Variants in PATJ observed in about 807,000 individuals in gnomAD.
PATJ encodes the protein PATJ crumbs cell polarity complex component.
Under a neutral mutation model 224.9 loss-of-function variants are expected in PATJ, and 190 were observed. The ratio of observed to expected loss-of-function variants is 0.84; its 90% CI spans 0.75 to 0.95. The LOEUF is 0.95. PATJ is among the 40% of genes least tolerant of loss of function. The pLI is 0.00. For missense variants in PATJ, 2,121 were observed against 2,270.3 expected, an observed-to-expected ratio of 0.93 and a Z score of 1.34; for synonymous variants, 769 against 820.3, an observed-to-expected ratio of 0.94 and a Z score of 1.07.
intron 31 of PATJ, among the ~76,000 whole-genome samples, chr1:62,074,093 T>C (rs1189570766): frequency 1.3e-5 from 2 of 151,738 alleles, no homozygotes; most frequent in African/African-American, 4.8e-5. Flanking sequence ...TATTTTTATA[T>C]TTAAGAAACT....
In PATJ at chr1:62,054,458, C is replaced by T. The variant is rs114518036; in HGVS notation, c.4125+3400C>T. The T allele has an allele frequency of 2.9e-3, 722 of 246,204 alleles. 8 individuals carry two copies. Among genetic ancestry groups the T allele is most frequent in the African/African-American group, 0.015 (672 of 44,740 alleles). 15.3% of individuals were successfully genotyped at this position (246,204 alleles called of 1,614,324 possible). On this transcript the variant is annotated intron_variant, in intron 31 of 43. Transcript: ENST00000642238. Reference sequence around the variant, plus strand: ...GTATATTCAGTTGGTTGGCTTTGGACTGTGTCTCAGTAGCCCTAGATGCAT... The same window carrying T: ...GTATATTCAGTTGGTTGGCTTTGGATTGTGTCTCAGTAGCCCTAGATGCAT...
chr1:61,974,182 G>A (rs1374646868), intron 27 of PATJ, among the ~76,000 whole-genome samples: 7 of 151,822 alleles, frequency 4.6e-5, no homozygotes, highest in Non-Finnish European at 8.8e-5. Context: ...GACATGTCGA[G>A]CAAAACTGAT....
chr1:61,778,118 G>T (rs1475006309), intron 7 of PATJ, among the ~76,000 whole-genome samples: 4 of 152,062 alleles, frequency 2.6e-5, no homozygotes, highest in African/African-American at 9.7e-5. Flanking sequence ...GAGCTCAAGT[G>T]ATCCTCCCGC....
intron 7 of PATJ, among the ~76,000 whole-genome samples, chr1:61,780,890 G>T (rs1450269498): frequency 6.6e-6 from 1 of 152,140 alleles, no homozygotes; most frequent in African/African-American, 2.4e-5. Context: ...TTACTGGAAG[G>T]GATCGTCACT....
At chr1:61,963,546 A>G (rs1344531237) in intron 27 of PATJ, among the ~76,000 whole-genome samples, 1 of 152,134 alleles carries the variant, frequency 6.6e-6, no homozygotes, top group Non-Finnish European at 1.5e-5. Flanking sequence ...CAGTGAGCTG[A>G]GATTGCGCCA....
intron 31 of PATJ, among the ~76,000 whole-genome samples, chr1:62,067,123 C>CTTTTTTTTTTTTTTTTTTTTTTTT (rs11381578): frequency 6.0e-5 from 7 of 116,450 alleles, no homozygotes; most frequent in Non-Finnish European, 8.8e-5. Context: ...CCTATTCTTT[C>CTTTTTTTTTTTTTTTTTTTTTTTT]TTTTTTTTTT....
At chr1:62,070,692 TA>T (rs956220806) in intron 31 of PATJ, among the ~76,000 whole-genome samples, 2 of 152,100 alleles carry the variant, frequency 1.3e-5, no homozygotes, top group Admixed American at 1.3e-4. Context: ...GCAAAATTTA[TA>T]AAGGGCAGGG....
intron 26 of PATJ, among the ~76,000 whole-genome samples, chr1:61,921,725 A>G (rs1674365157): frequency 6.6e-6 from 1 of 152,204 alleles, no homozygotes; most frequent in South Asian, 2.1e-4. Flanking sequence ...AAAAAAGTCT[A>G]GAAAATACAA....
rs147365540 is a variant in PATJ at position 61,975,001 on chromosome 1, G to A, written c.3671-15167G>A. ...ATTCTGTTGCCCAGGCTGGAGTGCA[G>A]TGGCATAATCTTGGCTTTCTGTGAC... On this transcript the variant is annotated intron_variant, in intron 27 of 43. Coordinates refer to ENST00000642238, the MANE Select transcript of PATJ (RefSeq NM_001350145.3). 5.5e-4 allele frequency among the ~76,000 whole-genome samples: 84 copies of A among 152,110 alleles called. 1 individual carries two copies. The highest frequency in any genetic ancestry group is 1.9e-3 in the African/African-American group (80 of 41,418).
intron 30 of PATJ, among the ~76,000 whole-genome samples, chr1:62,043,606 CTTCCATTT>C (rs1651930596): frequency 6.6e-6 from 1 of 152,146 alleles, no homozygotes; most frequent in Admixed American, 6.6e-5. Flanking sequence ...CCTCCAGCAT[CTTCCATTT>C]TTAATAGTTA....
intron 34 of PATJ, among the ~76,000 whole-genome samples, chr1:62,112,489 G>C (rs957033012): frequency 3.3e-5 from 5 of 152,104 alleles, no homozygotes; most frequent in African/African-American, 1.2e-4. Context: ...CTGGGTGACA[G>C]AGTGACACTC....
intron 26 of PATJ, among the ~76,000 whole-genome samples, chr1:61,923,163 G>A (rs1296574977): frequency 2.0e-5 from 3 of 152,202 alleles, no homozygotes; most frequent in Non-Finnish European, 2.9e-5. Flanking sequence ...TAGCCACTGC[G>A]TTAATGTGGC....
intron 28 of PATJ, among the ~76,000 whole-genome samples, chr1:61,999,161 G>A (rs2149594947): frequency 6.6e-6 from 1 of 152,148 alleles, no homozygotes; most frequent in East Asian, 1.9e-4. Flanking sequence ...ATTTTCAGCA[G>A]TGCCTCTCTC....
intron 8 of PATJ, among the ~76,000 whole-genome samples, chr1:61,790,516 T>TC (rs71706463): frequency 4.9e-5 from 1 of 20,384 alleles, no homozygotes; most frequent in Non-Finnish European, 1.3e-4. Context: ...CTTTTTTTTG[T>TC]TTTTTTTTTT....
chr1:61,935,682 T>A (rs959500459), intron 27 of PATJ, among the ~76,000 whole-genome samples: 6 of 151,886 alleles, frequency 4.0e-5, no homozygotes, highest in African/African-American at 1.5e-4. Flanking sequence ...TCCTAGCTAC[T>A]CAGGAGGCTG....
intron 18 of PATJ, among the ~76,000 whole-genome samples, chr1:61,859,865 C>T (rs919666869): frequency 1.3e-5 from 2 of 152,116 alleles, no homozygotes; most frequent in Admixed American, 6.5e-5. Context: ...GGTGATCCAC[C>T]CGCCTCGGCC....
chr1:61,861,400 G>A, intron 18 of PATJ, 151 bp from the exon 19 acceptor site: 1 of 339,906 alleles, frequency 2.9e-6, no homozygotes, highest in Non-Finnish European at 5.5e-6. Context: ...ATAGGTATAT[G>A]TGTGCATTGG....
At chr1:61,837,386 T>C (rs1224676895) in intron 17 of PATJ, among the ~76,000 whole-genome samples, 4 of 152,226 alleles carry the variant, frequency 2.6e-5, no homozygotes, top group Non-Finnish European at 5.9e-5. Context: ...CTAAATTTAA[T>C]CTTAAAATTG....
At chr1:62,107,711 T>G (rs768581838) in intron 33 of PATJ, among the ~76,000 whole-genome samples, 1 of 152,180 alleles carries the variant, frequency 6.6e-6, no homozygotes, top group Non-Finnish European at 1.5e-5. Flanking sequence ...TGGGTACATG[T>G]CATTTTTATG....
Sources: allele counts gnomAD v4.1 joint callset (sites outside exome capture counted in the v4.1 genomes callset), GRCh38; gene constraint gnomAD v4.1.1; transcripts MANE v1.5; gene names NCBI Gene and HGNC (gene_info 2026-07-23, HGNC 2026-07-21).